The following TSPEAR variants were observed in gnomAD, a reference collection of about 807,000 sequenced individuals.
TSPEAR encodes thrombospondin-type laminin G domain and EAR repeat-containing protein.
TSPEAR carries 69 observed loss-of-function variants against 71.6 expected under a neutral mutation model. The ratio of observed to expected loss-of-function variants is 0.96; its 90% CI spans 0.79 to 1.18. The LOEUF (loss-of-function observed/expected upper bound fraction) is 1.18. Ranked by LOEUF, TSPEAR falls within the 50% of genes most tolerant of loss-of-function variation. The probability of loss-of-function intolerance (pLI) is 0.00; values close to 1 mark genes in which losing one functional copy is unlikely to be tolerated. For missense variants in TSPEAR, 971 were observed against 894.9 expected (o/e 1.09, Z -1.09); for synonymous variants, 402 against 387.2 (o/e 1.04, Z -0.45).
chr21:44,557,892 G>C (rs1456583933), intron 2 of TSPEAR: 2 of 853,266 alleles, frequency 2.3e-6, no homozygotes, highest in African/African-American at 1.7e-5. Context: ...GTGTGGGAGA[G>C]ATGCATGCCT....
chr21:44,646,336 G>A, intron 1 of TSPEAR: 1 of 1,397,382 alleles, frequency 7.2e-7, no homozygotes, highest in Non-Finnish European at 9.7e-7. Context: ...CCTCCTGTTG[G>A]GACAACACAT....
chr21:44,675,982 T>G lies in TSPEAR; in HGVS notation c.82+35451A>C. 4.8e-6 allele frequency: 4 copies of G among 831,472 alleles called. No individual in the cohort carries two copies. In the East Asian group the frequency reaches 9.7e-5, roughly 20 times the overall value. The allele number at this position is 831,472 out of a possible 1,614,324, so 51.5% of individuals were successfully genotyped here. The stretch of plus-strand genomic sequence containing the variant: ...TTCGGGCTTCCTTCAGCCAGTCTTG[T>G]GCCACTTATCTGGATTCTCCCTTCA... On this transcript the variant is annotated intron_variant, in intron 1 of 11. Transcript: ENST00000323084.
intron 1 of TSPEAR, among the ~76,000 whole-genome samples, chr21:44,624,786 C>T (rs1232760906): frequency 6.6e-6 from 1 of 152,176 alleles, no homozygotes; most frequent in African/African-American, 2.4e-5. Context: ...GCCTCAGCCT[C>T]ATGGCTGTAG....
intron 1 of TSPEAR, among the ~76,000 whole-genome samples, chr21:44,611,173 C>T (rs1981643753): frequency 6.6e-6 from 1 of 152,046 alleles, no homozygotes; most frequent in African/African-American, 2.4e-5. Context: ...AATGTGAAGA[C>T]ATAAGATTTG....
intron 1 of TSPEAR, chr21:44,573,703 C>A: frequency 6.3e-7 from 1 of 1,581,066 alleles, no homozygotes; most frequent in African/African-American, 1.3e-5. Flanking sequence ...CACTCACTCG[C>A]TCACCCACTC....
At chr21:44,624,614 G>GT (rs1417464132) in intron 1 of TSPEAR, among the ~76,000 whole-genome samples, 1 of 152,104 alleles carries the variant, frequency 6.6e-6, no homozygotes, top group Non-Finnish European at 1.5e-5. Context: ...TCTTCTTTCC[G>GT]TTTTTTCCTT....
intron 1 of TSPEAR, among the ~76,000 whole-genome samples, chr21:44,599,949 A>G (rs1315148484): frequency 6.6e-6 from 1 of 152,180 alleles, no homozygotes; most frequent in Non-Finnish European, 1.5e-5. Context: ...GGGGCCCCAA[A>G]CAGGGATCTG....
intron 1 of TSPEAR, among the ~76,000 whole-genome samples, chr21:44,654,890 C>T (rs1985048476): frequency 6.6e-6 from 1 of 152,122 alleles, no homozygotes; most frequent in African/African-American, 2.4e-5. Flanking sequence ...TGGTGAAGGG[C>T]TGTCAGTGAG....
chr21:44,652,200 G>A (rs9977319), intron 1 of TSPEAR, among the ~76,000 whole-genome samples: 26,159 of 152,098 alleles, frequency 0.17, 2,331 homozygotes, highest in Non-Finnish European at 0.2. Flanking sequence ...AGCCAGGATG[G>A]TCTCGATCTC....
chr21:44,525,648 C>T lies in TSPEAR; in HGVS notation c.1336+5G>A. On this transcript the variant is annotated splice_donor_5th_base_variant and intron_variant, in intron 8 of 11. Coordinates refer to ENST00000323084, the MANE Select transcript of TSPEAR (RefSeq NM_144991.3). ...CTCCCGGTGTGAAGGCCACTCCTGC[C>T]CTACCTTCCCGGTGGTTGGCCACCG... 6.2e-7 allele frequency: 1 copy of T among 1,613,870 alleles called. No individual in the cohort carries two copies. The highest frequency in any genetic ancestry group is 8.5e-7 in the Non-Finnish European group (1 of 1,179,854).
chr21:44,677,364 T>A, intron 1 of TSPEAR: 1 of 1,398,550 alleles, frequency 7.2e-7, no homozygotes, highest in South Asian at 1.2e-5. Flanking sequence ...TTTCAATATG[T>A]TGGAGTGTGC....
intron 1 of TSPEAR, chr21:44,627,393 C>A: frequency 1.9e-6 from 3 of 1,614,022 alleles, no homozygotes; most frequent in Non-Finnish European, 2.5e-6. Flanking sequence ...GCACCAGCTC[C>A]TGCACGCCCT....
intron 9 of TSPEAR, chr21:44,518,405 T>C (rs782103448): frequency 1.9e-5 from 8 of 414,138 alleles, no homozygotes; most frequent in Non-Finnish European, 4.0e-5. Context: ...TAAATTGGAC[T>C]TGGTGTTATC....
intron 1 of TSPEAR, among the ~76,000 whole-genome samples, chr21:44,579,279 G>A (rs1178363889): frequency 1.3e-5 from 2 of 152,154 alleles, no homozygotes; most frequent in Admixed American, 6.5e-5. Context: ...AGGCTGAGCC[G>A]GGACTGAGCC....
At chr21:44,697,852 C>T in intron 1 of TSPEAR, 1 of 1,604,038 alleles carries the variant, frequency 6.2e-7, no homozygotes, top group Non-Finnish European at 8.5e-7. Flanking sequence ...GCTGTGTCCC[C>T]ACCTCCTCCT....
chr21:44,647,588 G>T, intron 1 of TSPEAR: 1 of 601,884 alleles, frequency 1.7e-6, no homozygotes, highest in Non-Finnish European at 3.0e-6. Context: ...CTCCAAATGT[G>T]TTGCTTATAC....
In TSPEAR at chr21:44,539,436, C is replaced by T. The variant is rs200858515; in HGVS notation, c.304-5513G>A. Reference sequence around the variant, plus strand: ...GGCATACAGCAGGCGGGCCGGCATACAGGGCGGCAGAGGAGGGACACGGAG... The same window carrying T: ...GGCATACAGCAGGCGGGCCGGCATATAGGGCGGCAGAGGAGGGACACGGAG... On this transcript the variant is annotated intron_variant, in intron 2 of 11. Transcript: ENST00000323084. 2,484 of 1,602,946 alleles carry T rather than the reference C, an allele frequency of 1.5e-3. 1 individual carries two copies. The highest frequency in any genetic ancestry group is 1.9e-3 in the Non-Finnish European group (2,196 of 1,170,494).
chr21:44,578,651 C>A (rs587625068), intron 1 of TSPEAR, among the ~76,000 whole-genome samples: 2 of 152,176 alleles, frequency 1.3e-5, no homozygotes, highest in South Asian at 4.1e-4. Flanking sequence ...GGAACACCCA[C>A]GCCTTGACCC....
At chr21:44,648,824 G>T (rs1424365376) in intron 1 of TSPEAR, among the ~76,000 whole-genome samples, 1 of 152,258 alleles carries the variant, frequency 6.6e-6, no homozygotes, top group Non-Finnish European at 1.5e-5. Flanking sequence ...CAGCTGACAT[G>T]CAGGTCTGCT....
Sources: allele counts gnomAD v4.1 joint callset (sites outside exome capture counted in the v4.1 genomes callset), GRCh38; gene constraint gnomAD v4.1.1; transcripts MANE v1.5; gene names NCBI Gene and HGNC (gene_info 2026-07-23, HGNC 2026-07-21).